The following JPH2 variants were observed in gnomAD, a reference collection of about 807,000 sequenced individuals.
JPH2 encodes the protein junctophilin 2.
In JPH2, 38 loss-of-function variants were observed where a neutral mutation model predicts 55.9. The observed-to-expected ratio is 0.68, with a 90% CI of 0.52 to 0.89. The LOEUF (loss-of-function observed/expected upper bound fraction) is 0.89. Ranked by LOEUF, JPH2 falls within the 40% of genes least tolerant of loss-of-function variation. The pLI is 0.00. For missense variants in JPH2, 964 were observed against 1,037.6 expected (o/e 0.93, Z 0.97); for synonymous variants, 480 against 472.4 (o/e 1.02, Z -0.21).
intron 1 of JPH2, among the ~76,000 whole-genome samples, chr20:44,163,687 G>A (rs1049206349): frequency 3.9e-5 from 6 of 152,232 alleles, no homozygotes; most frequent in African/African-American, 4.8e-5. Flanking sequence ...AAGCCTGTCT[G>A]ATGCCAGAGT....
At chr20:44,153,493 A>G (rs1222932422) in intron 2 of JPH2, among the ~76,000 whole-genome samples, 2 of 152,184 alleles carry the variant, frequency 1.3e-5, no homozygotes, top group African/African-American at 4.8e-5. Context: ...AACCAACTCT[A>G]AGCTATGATC....
chr20:44,115,312 T>C (rs1268873431), intron 4 of JPH2, among the ~76,000 whole-genome samples: 1 of 152,062 alleles, frequency 6.6e-6, no homozygotes, highest in East Asian at 1.9e-4. Flanking sequence ...TGCTACACCT[T>C]GTAGCAGATG....
At chr20:44,127,423 T>C (rs1442359885) in intron 2 of JPH2, among the ~76,000 whole-genome samples, 1 of 152,090 alleles carries the variant, frequency 6.6e-6, no homozygotes, top group Non-Finnish European at 1.5e-5. Context: ...CATATTATGT[T>C]CCATTGGTAA....
At chr20:44,122,747 T>A (rs933581440) in intron 2 of JPH2, among the ~76,000 whole-genome samples, 4 of 152,068 alleles carry the variant, frequency 2.6e-5, no homozygotes, top group African/African-American at 9.7e-5. Flanking sequence ...TTGGTGGCGG[T>A]GGTGAAAGAG....
rs866548839 is a variant in JPH2, at chr20:44,159,937, C to A, written c.850G>T (p.Asp284Tyr). ...DEAAPFEADI[D>Y]ATTTETYMGE... ...ATGTAGGTCTCGGTGGTGGTGGCGT[C>A]GATATCGGCCTCGAAGGGTGCGGCC... The change falls in exon 2 of 6, where the codon GAC (aspartate) becomes TAC (tyrosine). Residue 284 changes from aspartate (D) to tyrosine (Y), a missense_variant. By Grantham distance (160) the Asp-to-Tyr change is radical (BLOSUM62 -3). Transcript: ENST00000372980. This position sits in a 1 kb window ranked among gnomAD's most constrained non-coding sequence, Gnocchi z 5.7. The A allele has an allele frequency of 6.2e-7, 1 of 1,609,358 alleles. No individual in the cohort carries two copies. The highest frequency in any genetic ancestry group is 8.5e-7 in the Non-Finnish European group (1 of 1,179,002).
In JPH2 at chr20:44,109,165, T is replaced by G. The variant is rs1382237775; in HGVS notation, c.*4353A>C. On this transcript the variant is annotated 3_prime_UTR_variant, in exon 6 of 6. Coordinates refer to ENST00000372980, the MANE Select transcript of JPH2 (RefSeq NM_020433.5). ...CTGTAAAAGAGCACAGCTCTGGGTT[T>G]CAGTCCCAGCTCTGTCCTTCCCTCT... 6.6e-6 allele frequency among the ~76,000 whole-genome samples: 1 copy of G among 152,204 alleles called. No homozygotes were observed. Among genetic ancestry groups the G allele is most frequent in the African/African-American group, 2.4e-5 (1 of 41,442 alleles).
rs2072110754 is a variant in JPH2 at position 44,106,663 on chromosome 20, A to G, written c.*6855T>C. On this transcript the variant is annotated 3_prime_UTR_variant, in exon 6 of 6. Coordinates refer to ENST00000372980, the MANE Select transcript of JPH2 (RefSeq NM_020433.5). ...AAGCCTCACAATCATGGTGGAAGACAAGGAGGAGCAAGTCACATCTTACTA... is the reference window on the plus strand; with the variant it reads ...AAGCCTCACAATCATGGTGGAAGACGAGGAGGAGCAAGTCACATCTTACTA... Among the ~76,000 whole-genome samples, 1 of 152,180 alleles carries G rather than the reference A, an allele frequency of 6.6e-6. No individual in the cohort carries two copies. The highest frequency in any genetic ancestry group is 2.4e-5 in the African/African-American group (1 of 41,456).
At chr20:44,177,358 C>T in intron 1 of JPH2, 1 of 986,994 alleles carries the variant, frequency 1.0e-6, no homozygotes, top group Non-Finnish European at 1.2e-6. Context: ...AGCTGCTGGG[C>T]ACGGAATTAG....
At chr20:44,169,888 T>G (rs762332159) in intron 1 of JPH2, among the ~76,000 whole-genome samples, 3 of 152,088 alleles carry the variant, frequency 2.0e-5, no homozygotes, top group Non-Finnish European at 4.4e-5. Context: ...CTCGGCCCTC[T>G]CATCACATGA....
intron 2 of JPH2, among the ~76,000 whole-genome samples, chr20:44,131,823 G>A (rs895680280): frequency 2.6e-5 from 4 of 152,106 alleles, no homozygotes; most frequent in Non-Finnish European, 5.9e-5. Flanking sequence ...AATGACACAT[G>A]TACAAGTCCC....
chr20:44,115,922 G>A lies in JPH2; in HGVS notation c.1753C>T (p.Pro585Ser), dbSNP rs745760392. Reference protein sequence around the residue: ...PPEPPPFEDQPEPEVSGSESA... With the variant: ...PPEPPPFEDQSEPEVSGSESA... ...TCGGACCCGGAGACCTCGGGCTCGG[G>A]CTGGTCCTCAAAGGGTGGGGGCTCG... is the stretch of plus-strand genomic sequence containing the variant. The change falls in exon 4 of 6, where the codon CCC (proline) becomes TCC (serine). Residue 585 changes from proline to serine, a missense_variant. Pro to Ser is a moderately conservative substitution (Grantham distance 74, BLOSUM62 -1). Transcript: ENST00000372980. 7 of 1,570,784 alleles carry A rather than the reference G, an allele frequency of 4.5e-6. No homozygotes were observed. Among genetic ancestry groups the A allele is most frequent in the Non-Finnish European group, 5.2e-6 (6 of 1,165,028 alleles).
intron 2 of JPH2, among the ~76,000 whole-genome samples, chr20:44,130,552 C>T (rs1248228922): frequency 6.6e-6 from 1 of 152,218 alleles, no homozygotes; most frequent in Non-Finnish European, 1.5e-5. Context: ...GGCCTTGCTC[C>T]TCCTCCACCA....
intron 2 of JPH2, among the ~76,000 whole-genome samples, chr20:44,125,079 A>G (rs2072266170): frequency 6.6e-6 from 1 of 151,220 alleles, no homozygotes; most frequent in African/African-American, 2.4e-5. Flanking sequence ...CTGTACTCCA[A>G]CTCCAGCCTG....
chr20:44,177,461 A>G, intron 1 of JPH2: 1 of 992,022 alleles, frequency 1.0e-6, no homozygotes, highest in Non-Finnish European at 1.2e-6. Flanking sequence ...GGGCACATGA[A>G]TCACTGAAAA....
chr20:44,121,129 G>A (rs910038311), intron 2 of JPH2, among the ~76,000 whole-genome samples: 2 of 152,210 alleles, frequency 1.3e-5, no homozygotes, highest in Non-Finnish European at 2.9e-5. Flanking sequence ...GAGGTGGGCT[G>A]GTCAGGAAAG....
chr20:44,130,470 C>G (rs1380810253), intron 2 of JPH2, among the ~76,000 whole-genome samples: 1 of 152,260 alleles, frequency 6.6e-6, no homozygotes, highest in African/African-American at 2.4e-5. Flanking sequence ...CCTGGCATCA[C>G]CTGGCTGACT....
intron 2 of JPH2, among the ~76,000 whole-genome samples, chr20:44,149,733 C>G (rs1415210025): frequency 1.3e-5 from 2 of 152,190 alleles, no homozygotes; most frequent in Admixed American, 1.3e-4. Flanking sequence ...AATCCCAGCA[C>G]TTTGGGAGGC....
At chr20:44,180,837 G>A (rs904776697) in intron 1 of JPH2, among the ~76,000 whole-genome samples, 2 of 151,696 alleles carry the variant, frequency 1.3e-5, no homozygotes, top group South Asian at 2.1e-4. Flanking sequence ...TGAGGCCAAC[G>A]CAGGGGCCCC....
At position 44,138,670 on chromosome 20, in the gene JPH2, C is replaced by CA. The variant is rs2072434993; in HGVS notation, c.1170-20048dup. 2.6e-5 allele frequency among the ~76,000 whole-genome samples: 4 copies of CA among 152,168 alleles called. 1 individual carries two copies. ...AAGTGCTGGGATTACAGGCATGAGC[C>CA]ACTGCACCTGGCCAAGATTTTAATA... is the stretch of plus-strand genomic sequence containing the variant. On this transcript the variant is annotated intron_variant, in intron 2 of 5. Transcript: ENST00000372980.
Sources: gnomAD v4.1 joint callset for allele counts (sites outside exome capture counted in the v4.1 genomes callset) on GRCh38, gnomAD v4.1.1 for gene constraint, Gnocchi (gnomAD v3.1) non-coding constraint, MANE v1.5 for transcripts, NCBI Gene and HGNC (gene_info 2026-07-23, HGNC 2026-07-21) for gene names.